Variants in LONP1 observed in about 807,000 individuals in gnomAD.
LONP1 encodes lon peptidase 1, mitochondrial.
In LONP1, 31 loss-of-function variants were observed where a neutral mutation model predicts 98.5. The ratio of observed to expected loss-of-function variants is 0.31; its 90% CI spans 0.24 to 0.42. The LOEUF (loss-of-function observed/expected upper bound fraction) is 0.42. LONP1 is among the 20% of genes least tolerant of loss of function. The pLI, the probability that LONP1 is intolerant of heterozygous loss-of-function variation, is 1.00. For synonymous variants in LONP1, 781 were observed against 594.7 expected (o/e 1.31, Z -4.56); for missense variants, 1,336 against 1,350.6 (o/e 0.99, Z 0.17).
At chr19:5,719,170 C>T (rs1222370535) in intron 1 of LONP1, among the ~76,000 whole-genome samples, 1 of 152,164 alleles carries the variant, frequency 6.6e-6, no homozygotes, top group African/African-American at 2.4e-5. Flanking sequence ...GCTGGGAGTA[C>T]AGCGCGCGCC....
At chr19:5,707,239 G>GCCAGGTCCTC in intron 6 of LONP1, 96 bp from the exon 7 acceptor site, 1 of 940,516 alleles carries the variant, frequency 1.1e-6, no homozygotes, top group Non-Finnish European at 1.7e-6. Flanking sequence ...GAGAGATGCT[G>GCCAGGTCCTC]CCGGGAGGAC....
chr19:5,708,352 G>A lies in LONP1; in HGVS notation c.922C>T (p.Pro308Ser), dbSNP rs148423837. ...KTIRDIIALN[P>S]LYRESVLQMM... is the part of the protein sequence containing the mutation. ...CGCACAGAGGCCCACCTGTAGAGAGGGTTCAAGGCAATGATGTCCCGGATG... is the reference window on the plus strand; with the variant it reads ...CGCACAGAGGCCCACCTGTAGAGAGAGTTCAAGGCAATGATGTCCCGGATG... The change falls in exon 5 of 18, where the codon CCT becomes TCT. Residue 308 changes from proline to serine, a missense_variant. By Grantham distance (74) the Pro-to-Ser change is moderately conservative. Coordinates refer to ENST00000360614, the MANE Select transcript of LONP1 (RefSeq NM_004793.4). 49 of 1,612,074 alleles carry A rather than the reference G, an allele frequency of 3.0e-5. No individual in the cohort carries two copies. Among genetic ancestry groups the A allele is most frequent in the Non-Finnish European group, 4.0e-5 (47 of 1,179,912 alleles).
chr19:5,694,047 GAC>G (rs2054879952), intron 15 of LONP1, among the ~76,000 whole-genome samples: 1 of 152,206 alleles, frequency 6.6e-6, no homozygotes, highest in Admixed American at 6.5e-5. Flanking sequence ...CCTGCAGACA[GAC>G]ACAAGCCCTT....
At chr19:5,697,562 GGGTAGAGGGA>G (rs948720908) in intron 10 of LONP1, among the ~76,000 whole-genome samples, 1 of 133,842 alleles carries the variant, frequency 7.5e-6, no homozygotes, top group Non-Finnish European at 1.6e-5. Flanking sequence ...AGAGGGAAGG[GGGTAGAGGGA>G]GGGGGAGGAA....
At chr19:5,696,568 G>A in intron 11 of LONP1, 102 bp downstream of exon 11, 3 of 1,328,540 alleles carry the variant, frequency 2.3e-6, no homozygotes, top group Non-Finnish European at 3.1e-6. Flanking sequence ...TCACGGCGAT[G>A]GCCCCTGAGT....
At position 5,708,303 on chromosome 19, in the gene LONP1, G is replaced by C. The variant is rs1160112337; in HGVS notation, c.932+39C>G. On this transcript the variant is annotated intron_variant, in intron 5 of 17. Transcript: ENST00000360614. The stretch of plus-strand genomic sequence containing the variant: ...ACCCAGCTGCAGAAAGAGCTGCAGA[G>C]ATGCCCCCGCCTGGCCAGCTGCCCG... 3 of 1,593,830 alleles carry C rather than the reference G, an allele frequency of 1.9e-6. No homozygotes were observed. In the South Asian group the frequency reaches 3.3e-5, roughly 18 times the overall value.
At chr19:5,694,644 C>T (rs955155650) in intron 14 of LONP1, 92 bp from the exon 15 acceptor site, 54 of 1,543,044 alleles carry the variant, frequency 3.5e-5, no homozygotes, top group Middle Eastern at 2.3e-4. Context: ...GTGACGGGCG[C>T]GGGGTGGTGG....
At position 5,711,916 on chromosome 19, in the gene LONP1, C is replaced by T. The variant is rs1447379324; in HGVS notation, c.725G>A (p.Gly242Asp). Residue 242 changes from glycine (G) to aspartate (D), a missense_variant, in exon 4 of 18, where the codon GGC (glycine) becomes GAC (aspartate). Gly to Asp is a moderately conservative substitution (Grantham distance 94, BLOSUM62 -1). Transcript: ENST00000360614. ...KHKPRRKSKRGKKEAEDELSA... is the reference protein window; with the variant it reads ...KHKPRRKSKRDKKEAEDELSA... ...CAGCTCGTCCTCCGCCTCCTTCTTG[C>T]CCCGCTTTGACTTCCTGCGGGGCTT... is the stretch of plus-strand genomic sequence containing the variant. 2 of 1,613,228 alleles carry T rather than the reference C, an allele frequency of 1.2e-6. No individual in the cohort carries two copies. The highest frequency in any genetic ancestry group is 2.2e-5 in the East Asian group (1 of 44,848).
At chr19:5,695,720 C>A (rs1568312180) in intron 13 of LONP1, among the ~76,000 whole-genome samples, 1 of 151,464 alleles carries the variant, frequency 6.6e-6, no homozygotes, top group African/African-American at 2.4e-5. Context: ...ACAGGCCCCA[C>A]TGCTTCCGGC....
At chr19:5,696,631 T>C (rs1385871089) in intron 11 of LONP1, 39 bp downstream of exon 11, 7 of 1,515,136 alleles carry the variant, frequency 4.6e-6, no homozygotes, top group South Asian at 2.3e-5. Flanking sequence ...GCACACGGCA[T>C]TGCCGGGTTA....
chr19:5,711,434 T>A (rs952645405), intron 4 of LONP1, among the ~76,000 whole-genome samples: 2 of 152,112 alleles, frequency 1.3e-5, no homozygotes, highest in Non-Finnish European at 2.9e-5. Context: ...CCAGGCTTGG[T>A]GGGAAGAAGC....
chr19:5,694,493 C>T lies in LONP1; in HGVS notation c.2214G>A (p.Thr738=), dbSNP rs527363365. 1.7e-5 allele frequency: 27 copies of T among 1,613,316 alleles called. No homozygotes were observed. In the Admixed American group the frequency reaches 2.0e-4, roughly 12 times the overall value. The change falls in exon 15 of 18, where the codon ACG becomes ACA. Residue 738 remains threonine (T), a synonymous_variant. Transcript: ENST00000360614. ...CCACGAAGTCCTGCAGGTTCTCGGG[C>T]GTCACCTCCACGGACTCGGCCTCGC... ...VSGEAESVEV[T]PENLQDFVGK...
chr19:5,707,768 G>A lies in LONP1; in HGVS notation c.991C>T (p.Leu331=), dbSNP rs762782674. ...GTGAGCGCGGCGCCCATGTCGCTCA[G>A]GTAGATGGGGTTGTCCACCACCCGC... The part of the protein sequence containing the change: ...GQRVVDNPIY[L]SDMGAALTGA... The change falls in exon 6 of 18, where the codon CTG becomes TTG. Residue 331 remains leucine (L), a synonymous_variant. Coordinates refer to ENST00000360614, the MANE Select transcript of LONP1 (RefSeq NM_004793.4). 4 of 1,613,360 alleles carry A rather than the reference G, an allele frequency of 2.5e-6. No homozygotes were observed. Among genetic ancestry groups the A allele is most frequent in the Non-Finnish European group, 3.4e-6 (4 of 1,179,940 alleles).
chr19:5,704,618 G>A (rs2055114079), intron 8 of LONP1, among the ~76,000 whole-genome samples: 1 of 152,238 alleles, frequency 6.6e-6, no homozygotes, highest in African/African-American at 2.4e-5. Context: ...AGAGCATGCT[G>A]CATGGGAAGT....
At chr19:5,701,748 G>A (rs1166894582) in intron 8 of LONP1, among the ~76,000 whole-genome samples, 6 of 152,102 alleles carry the variant, frequency 3.9e-5, no homozygotes, top group Admixed American at 6.5e-5. Context: ...CTGCCCGGCC[G>A]CCACCCTGTC....
intron 11 of LONP1, 139 bp downstream of exon 11, chr19:5,696,531 G>C (rs1229091314): frequency 5.4e-6 from 7 of 1,287,768 alleles, no homozygotes; most frequent in African/African-American, 4.4e-5. Context: ...GGGTGGGAGG[G>C]ACCCGTCCGT....
At chr19:5,701,577 C>CCGGCCT (rs1287536461) in intron 8 of LONP1, among the ~76,000 whole-genome samples, 1 of 152,248 alleles carries the variant, frequency 6.6e-6, no homozygotes, top group Non-Finnish European at 1.5e-5. Flanking sequence ...GAGTGGTCCG[C>CCGGCCT]CGGCCTCGGC....
intron 1 of LONP1, among the ~76,000 whole-genome samples, chr19:5,718,209 G>A (rs1009598962): frequency 2.0e-5 from 3 of 152,106 alleles, no homozygotes; most frequent in East Asian, 3.9e-4. Flanking sequence ...CGGGCGCAGT[G>A]ACTCGCACCT....
chr19:5,707,363 C>T (rs1599469074), intron 6 of LONP1, among the ~76,000 whole-genome samples: 2 of 152,304 alleles, frequency 1.3e-5, no homozygotes, highest in Non-Finnish European at 1.5e-5. Flanking sequence ...TGCATGGGGA[C>T]GCGCTCAGGA....
Sources: gnomAD v4.1 joint callset for allele counts (sites outside exome capture counted in the v4.1 genomes callset) on GRCh38, gnomAD v4.1.1 for gene constraint, MANE v1.5 for transcripts, NCBI Gene and HGNC (gene_info 2026-07-23, HGNC 2026-07-21) for gene names.